Variants in SMYD3 observed in about 807,000 individuals in gnomAD.
SMYD3 encodes the protein histone-lysine N-methyltransferase SMYD3.
A neutral mutation model predicts 57.7 loss-of-function variants in SMYD3; 36 were observed. The observed-to-expected ratio is 0.62, with a 90% CI of 0.48 to 0.82. The LOEUF is 0.82. Ranked by LOEUF, SMYD3 falls within the 40% of genes least tolerant of loss-of-function variation. SMYD3 has a pLI of 0.00. For synonymous variants in SMYD3, 211 were observed against 195.0 expected, an observed-to-expected ratio of 1.08 and a Z score of -0.68; for missense variants, 515 against 538.8, an observed-to-expected ratio of 0.96 and a Z score of 0.44.
At chr1:246,141,579 C>T (rs1427874029) in intron 5 of SMYD3, among the ~76,000 whole-genome samples, 1 of 152,154 alleles carries the variant, frequency 6.6e-6, no homozygotes, top group Non-Finnish European at 1.5e-5. Context: ...GTCTATTAAA[C>T]ATGTACAGTG....
chr1:246,234,157 AGAG>A (rs2063474576), intron 5 of SMYD3, among the ~76,000 whole-genome samples: 2 of 134,906 alleles, frequency 1.5e-5, no homozygotes, highest in African/African-American at 5.5e-5. Flanking sequence ...TATACCACAC[AGAG>A]GAGAAGCACT....
chr1:246,088,613 GAA>G (rs35382575), intron 5 of SMYD3, among the ~76,000 whole-genome samples: 2 of 148,146 alleles, frequency 1.4e-5, no homozygotes, highest in African/African-American at 2.5e-5. Context: ...CCGTCTCAAA[GAA>G]AAAAAAAAGT....
chr1:246,437,731 C>A (rs2067401162), intron 1 of SMYD3, among the ~76,000 whole-genome samples: 1 of 152,186 alleles, frequency 6.6e-6, no homozygotes, highest in Non-Finnish European at 1.5e-5. Context: ...AATTTTTAAT[C>A]TTAAAACTTA....
chr1:245,942,189 G>T (rs2057272063), intron 5 of SMYD3, among the ~76,000 whole-genome samples: 1 of 152,206 alleles, frequency 6.6e-6, no homozygotes, highest in Non-Finnish European at 1.5e-5. Context: ...ATGGCAAGCT[G>T]GATGAACAGC....
intron 1 of SMYD3, among the ~76,000 whole-genome samples, chr1:246,450,280 A>C (rs2067613435): frequency 6.6e-6 from 1 of 151,894 alleles, no homozygotes; most frequent in African/African-American, 2.4e-5. Context: ...AACAAAAGCG[A>C]AACTCTATCT....
intron 10 of SMYD3, among the ~76,000 whole-genome samples, chr1:245,823,972 T>C (rs545832100): frequency 6.6e-6 from 1 of 152,314 alleles, no homozygotes. Flanking sequence ...ATGGCCAGAA[T>C]GACAGCAGAT....
chr1:245,946,513 A>G (rs2057433085), intron 5 of SMYD3, among the ~76,000 whole-genome samples: 1 of 152,210 alleles, frequency 6.6e-6, no homozygotes, highest in Non-Finnish European at 1.5e-5. Context: ...AGCTATGAGT[A>G]CAGTATCTTC....
chr1:246,149,831 A>G (rs2061913955), intron 5 of SMYD3, among the ~76,000 whole-genome samples: 1 of 152,238 alleles, frequency 6.6e-6, no homozygotes, highest in African/African-American at 2.4e-5. Flanking sequence ...AGCACCACCT[A>G]TAAGACACAA....
chr1:246,154,619 G>A (rs1480539797), intron 5 of SMYD3, among the ~76,000 whole-genome samples: 1 of 152,138 alleles, frequency 6.6e-6, no homozygotes, highest in Admixed American at 6.5e-5. Context: ...CCTGAACTAT[G>A]AAAGCCCACA....
chr1:246,044,442 ATGC>A (rs1406011241), intron 5 of SMYD3, among the ~76,000 whole-genome samples: 1 of 152,206 alleles, frequency 6.6e-6, no homozygotes, highest in East Asian at 1.9e-4. Context: ...GGTAATGATG[ATGC>A]CAGTACAAGA....
intron 11 of SMYD3, among the ~76,000 whole-genome samples, chr1:245,752,402 G>T (rs1365852501): frequency 1.3e-5 from 2 of 152,052 alleles, no homozygotes; most frequent in Non-Finnish European, 2.9e-5. Flanking sequence ...TGCCCTCCTG[G>T]TTACATTCCC....
At chr1:246,432,913 A>G (rs919817723) in intron 1 of SMYD3, among the ~76,000 whole-genome samples, 26 of 152,248 alleles carry the variant, frequency 1.7e-4, no homozygotes, top group African/African-American at 6.3e-4. Flanking sequence ...AGCAGGTTCA[A>G]TGGATCTATC....
intron 5 of SMYD3, among the ~76,000 whole-genome samples, chr1:245,982,185 A>G (rs545644844): frequency 1.2e-4 from 18 of 152,340 alleles, no homozygotes; most frequent in African/African-American, 4.3e-4. Flanking sequence ...CCCAGGCTGG[A>G]GTGCGGTAGC....
chr1:246,014,993 C>G (rs1032878157), intron 5 of SMYD3, among the ~76,000 whole-genome samples: 1 of 152,162 alleles, frequency 6.6e-6, no homozygotes, highest in Non-Finnish European at 1.5e-5. Context: ...AATCTGTCAA[C>G]ACACCTGAAC....
intron 10 of SMYD3, among the ~76,000 whole-genome samples, chr1:245,853,884 C>A (rs1216229251): frequency 1.3e-5 from 2 of 152,132 alleles, no homozygotes; most frequent in Non-Finnish European, 2.9e-5. Context: ...TTTTTTCTGA[C>A]AACAAAGCAC....
intron 10 of SMYD3, among the ~76,000 whole-genome samples, chr1:245,787,662 T>C (rs2047101645): frequency 6.6e-6 from 1 of 152,000 alleles, no homozygotes; most frequent in Non-Finnish European, 1.5e-5. Flanking sequence ...TAGATGAAAT[T>C]ACAGGTGTTA....
intron 1 of SMYD3, among the ~76,000 whole-genome samples, chr1:246,436,904 T>C (rs370261107): frequency 8.8e-5 from 12 of 136,910 alleles, no homozygotes; most frequent in Middle Eastern, 4.4e-3. Flanking sequence ...TTCTTTCTTT[T>C]TTTTTTTTTT....
intron 5 of SMYD3, among the ~76,000 whole-genome samples, chr1:246,250,062 T>C (rs1019121414): frequency 2.6e-5 from 4 of 152,196 alleles, no homozygotes; most frequent in Admixed American, 6.5e-5. Flanking sequence ...CCTCTCTTGA[T>C]ATATACCTGC....
intron 5 of SMYD3, among the ~76,000 whole-genome samples, chr1:246,149,204 G>A (rs1205188965): frequency 1.3e-5 from 2 of 152,134 alleles, no homozygotes; most frequent in Non-Finnish European, 2.9e-5. Context: ...AAAGAACCAT[G>A]GAGATCTATA....
Sources: gnomAD v4.1 joint callset for allele counts (sites outside exome capture counted in the v4.1 genomes callset) on GRCh38, gnomAD v4.1.1 for gene constraint, MANE v1.5 for transcripts, NCBI Gene and HGNC (gene_info 2026-07-23, HGNC 2026-07-21) for gene names.